The following NDUFB6 variants were observed in gnomAD, a reference collection of about 807,000 sequenced individuals.
The protein encoded by NDUFB6 is NADH:ubiquinone oxidoreductase subunit B6.
Under a neutral mutation model 17.5 loss-of-function variants are expected in NDUFB6, and 23 were observed. The observed-to-expected ratio is 1.31, with a 90% CI of 0.94 to 1.86. The LOEUF (loss-of-function observed/expected upper bound fraction) is 1.86. Ranked by LOEUF, NDUFB6 falls within the 40% of genes most tolerant of loss-of-function variation. The pLI is 0.00. For synonymous variants in NDUFB6, 60 were observed against 53.5 expected, an observed-to-expected ratio of 1.12 and a Z score of -0.53; for missense variants, 167 against 153.8, an observed-to-expected ratio of 1.09 and a Z score of -0.46.
chr9:32,572,025 G>A (rs1228304649), intron 1 of NDUFB6, among the ~76,000 whole-genome samples: 1 of 152,136 alleles, frequency 6.6e-6, no homozygotes, highest in African/African-American at 2.4e-5. Flanking sequence ...CTGAAGCTTT[G>A]TAGGCCTCAG....
intron 2 of NDUFB6, among the ~76,000 whole-genome samples, chr9:32,561,770 G>A (rs1054678332): frequency 6.6e-6 from 1 of 151,906 alleles, no homozygotes; most frequent in Non-Finnish European, 1.5e-5. Context: ...CCAACTTCAG[G>A]TGTTTCTTCC....
chr9:32,563,637 C>G lies in NDUFB6; in HGVS notation c.274-4683G>C, dbSNP rs536932499. 4.3e-4 allele frequency among the ~76,000 whole-genome samples: 65 copies of G among 152,112 alleles called. 1 individual carries two copies. The highest frequency in any genetic ancestry group is 3.4e-3 in the Admixed American group (52 of 15,266). ...CTGTGCCCAGACTAATGTTAGCATC[C>G]TTTGATGTTCCTTAGCTGAATTAAA... is the stretch of plus-strand genomic sequence containing the variant. On this transcript the variant is annotated intron_variant, in intron 2 of 3. Coordinates refer to ENST00000379847, the MANE Select transcript of NDUFB6 (RefSeq NM_002493.5).
intron 2 of NDUFB6, chr9:32,566,221 C>T (rs1272955594): frequency 1.2e-6 from 1 of 856,652 alleles, no homozygotes; most frequent in Non-Finnish European, 2.0e-6. Flanking sequence ...CAGGTCATAG[C>T]TGGTTTTGTG....
intron 2 of NDUFB6, chr9:32,565,291 C>CA (rs373202494): frequency 0.22 from 29,832 of 136,458 alleles, 3,158 homozygotes; most frequent in Non-Finnish European, 0.26. Context: ...GACCCTGTCT[C>CA]AAAAAAAAAA....
intron 2 of NDUFB6, among the ~76,000 whole-genome samples, chr9:32,561,853 C>T (rs1485794164): frequency 6.6e-6 from 1 of 152,222 alleles, no homozygotes; most frequent in African/African-American, 2.4e-5. Flanking sequence ...TCTCAACTGA[C>T]ATCTACTAAA....
intron 2 of NDUFB6, chr9:32,568,645 C>CAT (rs34129985): frequency 3.3e-4 from 54 of 161,356 alleles, no homozygotes; most frequent in African/African-American, 5.7e-4. Flanking sequence ...GTCTCATATA[C>CAT]ATATATATAT....
At chr9:32,570,308 C>CCCT (rs1187047930) in intron 2 of NDUFB6, among the ~76,000 whole-genome samples, 25 of 152,158 alleles carry the variant, frequency 1.6e-4, no homozygotes, top group Admixed American at 3.3e-4. Flanking sequence ...TATACGAATG[C>CCCT]CCTCCTCACT....
chr9:32,553,636 CA>C lies in NDUFB6; in HGVS notation c.*239del. 1 of 459,650 alleles carries C rather than the reference CA, an allele frequency of 2.2e-6. No homozygotes were observed. Among genetic ancestry groups the C allele is most frequent in the South Asian group, 2.7e-5 (1 of 37,390 alleles). 28.5% of individuals were successfully genotyped at this position (459,650 alleles called of 1,614,324 possible). A position where few individuals can be genotyped will look rare whatever the true frequency, so the allele number is the denominator to read the frequency against. ...ACAAACATGTAACTAAATACTTTTC[CA>C]TACCGTTTTCCAAGTCAAGAATGAC... On this transcript the variant is annotated 3_prime_UTR_variant, in exon 4 of 4. Transcript: ENST00000379847.
intron 2 of NDUFB6, chr9:32,567,153 C>G (rs1475282601): frequency 2.1e-6 from 1 of 476,824 alleles, no homozygotes; most frequent in Non-Finnish European, 4.3e-6. Context: ...GCCTCTGGGC[C>G]CCGCAGGCAG....
intron 3 of NDUFB6, among the ~76,000 whole-genome samples, chr9:32,556,964 G>C (rs544124407): frequency 6.9e-6 from 1 of 144,718 alleles, no homozygotes; most frequent in Non-Finnish European, 1.5e-5. Context: ...CAATTCTTGT[G>C]CCTCAGCCTC....
At chr9:32,566,070 C>CA (rs60006624) in intron 2 of NDUFB6, 3,180 of 339,220 alleles carry the variant, frequency 9.4e-3, no homozygotes, top group East Asian at 0.033. Context: ...CTGGAGTGAC[C>CA]AAAAAAAAAA....
chr9:32,566,264 T>C (rs1263163475), intron 2 of NDUFB6: 29 of 1,113,084 alleles, frequency 2.6e-5, no homozygotes, highest in Non-Finnish European at 4.0e-5. Flanking sequence ...ACACTAATTT[T>C]AGGTTCTCTG....
chr9:32,553,631 T>G lies in NDUFB6; in HGVS notation c.*245A>C. 2.2e-6 allele frequency: 1 copy of G among 450,858 alleles called. No homozygotes were observed. The highest frequency in any genetic ancestry group is 2.7e-5 in the South Asian group (1 of 37,308). 27.9% of individuals were successfully genotyped at this position (450,858 alleles called of 1,614,324 possible). A position where few individuals can be genotyped will look rare whatever the true frequency, so the allele number is the denominator to read the frequency against. On this transcript the variant is annotated 3_prime_UTR_variant, in exon 4 of 4. Transcript: ENST00000379847. ...AACAAACAAACATGTAACTAAATAC[T>G]TTTCCATACCGTTTTCCAAGTCAAG...
chr9:32,569,373 C>CA (rs1003367813), intron 2 of NDUFB6, among the ~76,000 whole-genome samples: 3 of 152,118 alleles, frequency 2.0e-5, no homozygotes, highest in African/African-American at 7.2e-5. Flanking sequence ...CGCCCGCCAC[C>CA]ATGCCCAGCT....
intron 2 of NDUFB6, chr9:32,566,762 G>A: frequency 1.1e-6 from 1 of 903,234 alleles, no homozygotes; most frequent in South Asian, 1.3e-5. Flanking sequence ...CAGCCCGGGT[G>A]TCGGCTGCGA....
Position 32,553,302 on chromosome 9 carries a change from C to T in NDUFB6, c.*574G>A, listed in dbSNP as rs1436572371. On this transcript the variant is annotated 3_prime_UTR_variant, in exon 4 of 4. Coordinates refer to ENST00000379847, the MANE Select transcript of NDUFB6 (RefSeq NM_002493.5). ...CTTCTGGGTTCACACCAATCTCGTG[C>T]CTCAGCCTCCGCAGTAGCTGGGACT... 5.7e-6 allele frequency: 1 copy of T among 174,804 alleles called. No homozygotes were observed. Among genetic ancestry groups the T allele is most frequent in the African/African-American group, 2.4e-5 (1 of 41,600 alleles). The allele number at this position is 174,804 out of a possible 1,614,324, so 10.8% of individuals were successfully genotyped here. A position where few individuals can be genotyped will look rare whatever the true frequency, so the allele number is the denominator to read the frequency against.
chr9:32,565,031 G>A (rs961329810), intron 2 of NDUFB6, among the ~76,000 whole-genome samples: 8 of 152,106 alleles, frequency 5.3e-5, no homozygotes, highest in Non-Finnish European at 8.8e-5. Flanking sequence ...GGTGGCTCAC[G>A]CTTGTAATCC....
chr9:32,566,781 C>T lies in NDUFB6; in HGVS notation c.273+4179G>A, dbSNP rs570476103. The T allele has an allele frequency of 8.8e-6, 8 of 913,470 alleles. No homozygotes were observed. The African/African-American group carries it at 1.3e-4, about 15-fold the overall frequency. 56.6% of individuals were successfully genotyped at this position (913,470 alleles called of 1,614,324 possible). A position where few individuals can be genotyped will look rare whatever the true frequency, so the allele number is the denominator to read the frequency against. On this transcript the variant is annotated intron_variant, in intron 2 of 3. Coordinates refer to ENST00000379847, the MANE Select transcript of NDUFB6 (RefSeq NM_002493.5). ...CCGGGTGTCGGCTGCGACGTTCTGGCTGACGTTGTACAGGAGGTCGGCCAG... is the reference window on the plus strand; with the variant it reads ...CCGGGTGTCGGCTGCGACGTTCTGGTTGACGTTGTACAGGAGGTCGGCCAG...
At chr9:32,554,350 T>G (rs541324771) in intron 3 of NDUFB6, among the ~76,000 whole-genome samples, 15 of 152,346 alleles carry the variant, frequency 9.8e-5, no homozygotes, top group African/African-American at 2.6e-4. Context: ...GTTTTCTGAT[T>G]GGCTTACATA....
Sources: gnomAD v4.1 joint callset for allele counts (sites outside exome capture counted in the v4.1 genomes callset) on GRCh38, gnomAD v4.1.1 for gene constraint, MANE v1.5 for transcripts, NCBI Gene and HGNC (gene_info 2026-07-23, HGNC 2026-07-21) for gene names.